ROBO2: variants seen among roughly 807,000 people sequenced by gnomAD.
ROBO2 encodes the protein roundabout guidance receptor 2.
A neutral mutation model predicts 160.8 loss-of-function variants in ROBO2; 53 were observed. That is an observed-to-expected ratio of 0.33 (90% confidence interval 0.26 to 0.41). ROBO2 has a LOEUF of 0.41. ROBO2 is among the 10% of genes least tolerant of loss of function. The pLI is 1.00. For missense variants in ROBO2, 1,577 were observed against 1,722.4 expected, an observed-to-expected ratio of 0.92 and a Z score of 1.49; for synonymous variants, 664 against 611.7, an observed-to-expected ratio of 1.09 and a Z score of -1.26.
At chr3:76,152,704 T>C (rs144374561) in intron 2 of ROBO2, among the ~76,000 whole-genome samples, 12 of 152,208 alleles carry the variant, frequency 7.9e-5, no homozygotes, top group African/African-American at 2.6e-4. Flanking sequence ...TTAAGGAAGG[T>C]ATATGAAGAT....
chr3:76,490,299 A>T (rs1182263547), intron 2 of ROBO2, among the ~76,000 whole-genome samples: 1 of 152,220 alleles, frequency 6.6e-6, no homozygotes, highest in African/African-American at 2.4e-5. Flanking sequence ...TATGACAGTA[A>T]TGATTCAATT....
At chr3:75,932,034 T>G (rs1037605651) in intron 1 of ROBO2, among the ~76,000 whole-genome samples, 4 of 152,136 alleles carry the variant, frequency 2.6e-5, no homozygotes, top group Non-Finnish European at 5.9e-5. Flanking sequence ...CGTATATTAA[T>G]GAATGAGATA....
chr3:76,187,852 T>C (rs781575501), intron 2 of ROBO2, among the ~76,000 whole-genome samples: 2 of 152,132 alleles, frequency 1.3e-5, no homozygotes, highest in African/African-American at 4.8e-5. Context: ...TTGGGTCACA[T>C]AATTCCTATG....
chr3:77,337,839 T>G (rs1230210247), intron 2 of ROBO2, among the ~76,000 whole-genome samples: 1 of 152,154 alleles, frequency 6.6e-6, no homozygotes, highest in South Asian at 2.1e-4. Flanking sequence ...GTCTTTTAAA[T>G]GTATGGATAA....
At chr3:77,341,575 G>A (rs2067067306) in intron 2 of ROBO2, among the ~76,000 whole-genome samples, 1 of 152,100 alleles carries the variant, frequency 6.6e-6, no homozygotes. Flanking sequence ...GCAGCAACAT[G>A]TTGTATAATG....
chr3:76,446,247 G>C (rs979395211), intron 2 of ROBO2, among the ~76,000 whole-genome samples: 169 of 152,058 alleles, frequency 1.1e-3, no homozygotes, highest in Middle Eastern at 6.8e-3. Flanking sequence ...ACAACAATAA[G>C]AGACAAACAG....
At chr3:76,996,219 C>T (rs141036709) in intron 2 of ROBO2, among the ~76,000 whole-genome samples, 2,249 of 152,220 alleles carry the variant, frequency 0.015, 49 homozygotes, top group African/African-American at 0.05. Flanking sequence ...ATCCTTTCCC[C>T]ATTTCTTGTT....
At chr3:77,281,125 T>C (rs886572549) in intron 2 of ROBO2, among the ~76,000 whole-genome samples, 5 of 152,154 alleles carry the variant, frequency 3.3e-5, no homozygotes, top group Non-Finnish European at 5.9e-5. Flanking sequence ...CTTTGCAACA[T>C]ACTAGAAAAA....
At chr3:76,996,322 G>T (rs1311938059) in intron 2 of ROBO2, among the ~76,000 whole-genome samples, 1 of 152,042 alleles carries the variant, frequency 6.6e-6, no homozygotes, top group African/African-American at 2.4e-5. Flanking sequence ...TCTCTGTTTT[G>T]GTACCAGTAC....
rs562645643 is a variant in ROBO2 at position 77,289,312 on chromosome 3, G to A, written c.389-188102G>A. Among the ~76,000 whole-genome samples the A allele has an allele frequency of 9.2e-5, 14 of 152,284 alleles. No homozygotes were observed. The South Asian group carries it at 2.7e-3, about 29-fold the overall frequency. ...AAATTGACGGTTAAATGGGTAAGCT[G>A]AGGCTAGAGCACCAAAGACATAAAG... is the stretch of plus-strand genomic sequence containing the variant. On this transcript the variant is annotated intron_variant, in intron 2 of 25. Transcript: ENST00000461745.
chr3:76,512,340 T>C (rs985773252), intron 2 of ROBO2, among the ~76,000 whole-genome samples: 2 of 139,088 alleles, frequency 1.4e-5, no homozygotes, highest in African/African-American at 5.2e-5. Context: ...ATATATATAG[T>C]GTACTTTAAC....
chr3:77,459,849 G>T (rs1198392695), intron 2 of ROBO2, among the ~76,000 whole-genome samples: 1 of 151,666 alleles, frequency 6.6e-6, no homozygotes, highest in Non-Finnish European at 1.5e-5. Flanking sequence ...GGAGCAGAAG[G>T]GGTAGATACT....
intron 2 of ROBO2, among the ~76,000 whole-genome samples, chr3:76,184,922 C>A (rs1490351487): frequency 2.0e-5 from 3 of 151,858 alleles, no homozygotes; most frequent in Non-Finnish European, 4.4e-5. Context: ...GCATCCCCTG[C>A]AGATTGGATA....
intron 2 of ROBO2, among the ~76,000 whole-genome samples, chr3:76,138,848 AT>A (rs2071525897): frequency 6.6e-6 from 1 of 152,086 alleles, no homozygotes; most frequent in Non-Finnish European, 1.5e-5. Context: ...AGACATTTCA[AT>A]TTTTTAGAAT....
intron 2 of ROBO2, among the ~76,000 whole-genome samples, chr3:77,203,798 C>A (rs1383076283): frequency 6.6e-5 from 10 of 152,178 alleles, no homozygotes. Context: ...TGCTGCAACT[C>A]TATGAGACAG....
At chr3:76,256,349 C>CA (rs1559690066) in intron 2 of ROBO2, among the ~76,000 whole-genome samples, 21 of 83,066 alleles carry the variant, frequency 2.5e-4, no homozygotes, top group East Asian at 1.4e-3. Flanking sequence ...CTCTCTCTCT[C>CA]TCTCACATAC....
At chr3:76,816,210 G>A (rs537558791) in intron 2 of ROBO2, among the ~76,000 whole-genome samples, 10 of 152,230 alleles carry the variant, frequency 6.6e-5, no homozygotes, top group Non-Finnish European at 1.2e-4. Context: ...GTGGTGACAA[G>A]ACATTCATAT....
At chr3:77,338,777 A>G (rs1297909069) in intron 2 of ROBO2, among the ~76,000 whole-genome samples, 1 of 152,202 alleles carries the variant, frequency 6.6e-6, no homozygotes, top group Non-Finnish European at 1.5e-5. Flanking sequence ...GGTATTTGCT[A>G]CTAGCAAAGC....
At chr3:77,523,527 A>G (rs926387303) in intron 6 of ROBO2, among the ~76,000 whole-genome samples, 1 of 151,386 alleles carries the variant, frequency 6.6e-6, no homozygotes, top group African/African-American at 2.4e-5. Flanking sequence ...CAGTCATGGA[A>G]TAATGTTCAT....
Sources: gnomAD v4.1 joint callset for allele counts (sites outside exome capture counted in the v4.1 genomes callset) on GRCh38, gnomAD v4.1.1 for gene constraint, MANE v1.5 for transcripts, NCBI Gene and HGNC (gene_info 2026-07-23, HGNC 2026-07-21) for gene names.